Variants in ABCC6 observed in about 807,000 individuals in gnomAD.
The protein encoded by ABCC6 is ATP-binding cassette sub-family C member 6.
ABCC6 carries 126 observed loss-of-function variants against 169.5 expected under a neutral mutation model. The ratio of observed to expected loss-of-function variants is 0.74; its 90% CI spans 0.64 to 0.86. The LOEUF is 0.86. Among genes scored for constraint, ABCC6 ranks in the 40% least tolerant of loss-of-function variants. ABCC6 has a pLI of 0.00. For missense variants in ABCC6, 1,733 were observed against 1,927.2 expected (o/e 0.90, Z 1.89); for synonymous variants, 752 against 814.7 (o/e 0.92, Z 1.31).
Position 16,161,459 on chromosome 16 carries a change from G to GA in ABCC6, c.3611dup (p.Ser1205LeufsTer73). On this transcript the variant is annotated frameshift_variant, in exon 25 of 31. Coordinates refer to ENST00000205557, the MANE Select transcript of ABCC6 (RefSeq NM_001171.6). LOFTEE classifies it high-confidence loss of function. ...GTACCTGGAGGGCAGCAGAGACAGAGAAGCCCACGAGGCCAGCACTGAGGT... is the reference window on the plus strand; with the variant it reads ...GTACCTGGAGGGCAGCAGAGACAGAGAAAGCCCACGAGGCCAGCACTGAGGT... 6.2e-7 allele frequency: 1 copy of GA among 1,613,938 alleles called. No individual in the cohort carries two copies. Among genetic ancestry groups the GA allele is most frequent in the Non-Finnish European group, 8.5e-7 (1 of 1,180,032 alleles).
chr16:16,164,524 C>A (rs868592031), intron 23 of ABCC6, among the ~76,000 whole-genome samples: 1 of 152,056 alleles, frequency 6.6e-6, no homozygotes, highest in South Asian at 2.1e-4. Context: ...CCACAAAGGG[C>A]CAATCAGAAC....
intron 17 of ABCC6, among the ~76,000 whole-genome samples, chr16:16,179,330 T>A (rs2047395133): frequency 6.6e-6 from 1 of 152,232 alleles, no homozygotes; most frequent in African/African-American, 2.4e-5. Flanking sequence ...AGCTTTTCAG[T>A]CCTACTTTTG....
At position 16,165,668 on chromosome 16, in the gene ABCC6, G is replaced by A; in HGVS notation, c.3261C>T (p.Ala1087=). 1 of 1,612,400 alleles carries A rather than the reference G, an allele frequency of 6.2e-7. No individual in the cohort carries two copies. The highest frequency in any genetic ancestry group is 8.5e-7 in the Non-Finnish European group (1 of 1,179,944). Reference sequence around the variant, plus strand: ...GAAACAGTGGCAGGATGGCCACAGTGGCCAGTGGGGTAGCCACTGCCACCA... The same window carrying A: ...GAAACAGTGGCAGGATGGCCACAGTAGCCAGTGGGGTAGCCACTGCCACCA... ...SLVVAVATPL[A]TVAILPLFLL... The change falls in exon 23 of 31, where the codon GCC becomes GCT. Residue 1087 remains alanine (A), a synonymous_variant. Transcript: ENST00000205557.
intron 27 of ABCC6, chr16:16,155,812 T>C (rs760229354): frequency 1.3e-5 from 2 of 152,416 alleles, no homozygotes; most frequent in East Asian, 3.8e-4. Context: ...ACCGGAAGTA[T>C]AGAAATTAAA....
At chr16:16,178,123 C>T (rs540027329) in intron 18 of ABCC6, among the ~76,000 whole-genome samples, 6 of 151,976 alleles carry the variant, frequency 3.9e-5, no homozygotes, top group South Asian at 4.2e-4. Context: ...GTCAGGAGTT[C>T]GAGACCAGCC....
Position 16,187,122 on chromosome 16 carries a change from A to G in ABCC6, c.1867+2T>C. ...ACCCCTCCTGCCAGACTCAGCACTC[A>G]CCGCTTCCAGAGGAACTTGAGTCTA... On this transcript the variant is annotated splice_donor_variant, in intron 14 of 30. Coordinates refer to ENST00000205557, the MANE Select transcript of ABCC6 (RefSeq NM_001171.6). LOFTEE classifies it high-confidence loss of function. 1 of 1,612,232 alleles carries G rather than the reference A, an allele frequency of 6.2e-7. No homozygotes were observed. Among genetic ancestry groups the G allele is most frequent in the Non-Finnish European group, 8.5e-7 (1 of 1,178,886 alleles).
chr16:16,198,048 G>T lies in ABCC6; in HGVS notation c.1311C>A (p.Ile437=), dbSNP rs150075392. ...LNGLWLPLVW[I]VVCFVYLWQL... is the part of the protein sequence containing the mutation. ...GCCAGAGATAGACGAAGCAGACCACGATCCAGACGAGAGGCAGCCACAGCC... is the reference window on the plus strand; with the variant it reads ...GCCAGAGATAGACGAAGCAGACCACTATCCAGACGAGAGGCAGCCACAGCC... Residue 437 remains isoleucine (I), a synonymous_variant, in exon 10 of 31, where the codon ATC becomes ATA. Transcript: ENST00000205557. 8.1e-6 allele frequency: 13 copies of T among 1,614,036 alleles called. No homozygotes were observed. The African/African-American group carries it at 1.6e-4, about 20-fold the overall frequency.
chr16:16,165,005 C>T (rs983104725), intron 23 of ABCC6, among the ~76,000 whole-genome samples: 1 of 152,118 alleles, frequency 6.6e-6, no homozygotes, highest in African/African-American at 2.4e-5. Flanking sequence ...AATCTAGCTT[C>T]ATATAATAGC....
chr16:16,217,435 C>T (rs537200856), intron 4 of ABCC6, among the ~76,000 whole-genome samples: 39 of 152,376 alleles, frequency 2.6e-4, no homozygotes, highest in African/African-American at 6.3e-4. Flanking sequence ...TTGGCTGGGG[C>T]ACATTGGCTC....
chr16:16,172,557 G>A (rs959735767), intron 21 of ABCC6, among the ~76,000 whole-genome samples: 1 of 151,602 alleles, frequency 6.6e-6, no homozygotes, highest in African/African-American at 2.4e-5. Flanking sequence ...GAGTGGGTGG[G>A]ATGGATAGGT....
At chr16:16,151,864 C>T (rs951238281) in intron 29 of ABCC6, among the ~76,000 whole-genome samples, 4 of 152,150 alleles carry the variant, frequency 2.6e-5, no homozygotes, top group Admixed American at 2.6e-4. Context: ...CCTAATGGAT[C>T]CGTCCTCGCT....
chr16:16,196,752 A>T (rs373430302), intron 10 of ABCC6, among the ~76,000 whole-genome samples: 2 of 152,108 alleles, frequency 1.3e-5, no homozygotes, highest in South Asian at 4.2e-4. Flanking sequence ...CCCAGGCTGG[A>T]GTGCAGTGGC....
At chr16:16,214,559 G>A in intron 4 of ABCC6, 110 bp from the exon 5 acceptor site, 3 of 1,517,076 alleles carry the variant, frequency 2.0e-6, no homozygotes, top group South Asian at 2.5e-5. Context: ...CAGGGCAAGA[G>A]TATTTGAAAG....
At chr16:16,195,352 G>A (rs890698842) in intron 10 of ABCC6, among the ~76,000 whole-genome samples, 11 of 125,932 alleles carry the variant, frequency 8.7e-5, no homozygotes, top group South Asian at 2.5e-4. Context: ...TCACTCTGTC[G>A]TCCAGGCTGC....
At chr16:16,156,265 C>T (rs972668017) in intron 27 of ABCC6, among the ~76,000 whole-genome samples, 7 of 152,180 alleles carry the variant, frequency 4.6e-5, no homozygotes, top group African/African-American at 1.4e-4. Context: ...TTAAGGGAAG[C>T]AAGGCAGTGC....
At chr16:16,160,234 AACAT>A (rs2046672279) in intron 25 of ABCC6, among the ~76,000 whole-genome samples, 1 of 152,198 alleles carries the variant, frequency 6.6e-6, no homozygotes, top group Non-Finnish European at 1.5e-5. Context: ...ACTGCCACCC[AACAT>A]GCTCCAGCCT....
chr16:16,154,731 CG>C lies in ABCC6; in HGVS notation c.4104del (p.Asp1368GlufsTer35), dbSNP rs72664237. ...GTCTCCAGGGCTGCCCAGATAGCCTCGTCCGAGTGCTCCTGCAGCAGGTCGA... is the reference window on the plus strand; with the variant it reads ...GTCTCCAGGGCTGCCCAGATAGCCTCTCCGAGTGCTCCTGCAGCAGGTCGA... ...MNLDLLQEHS[D>X]EAIWAALETV... On this transcript the variant is annotated frameshift_variant, in exon 29 of 31. Coordinates refer to ENST00000205557, the MANE Select transcript of ABCC6 (RefSeq NM_001171.6). LOFTEE classifies it high-confidence loss of function. 3.3e-5 allele frequency: 53 copies of C among 1,613,170 alleles called. No homozygotes were observed. The highest frequency in any genetic ancestry group is 4.2e-5 in the Non-Finnish European group (50 of 1,179,792).
rs117686059 is a variant in ABCC6 at position 16,163,585 on chromosome 16, C to T, written c.3307-393G>A. Among the ~76,000 whole-genome samples, 1,378 of 152,252 alleles carry T rather than the reference C, an allele frequency of 9.1e-3. 14 individuals carry two copies. The highest frequency in any genetic ancestry group is 0.036 in the South Asian group (174 of 4,826). On this transcript the variant is annotated intron_variant, in intron 23 of 30. Coordinates refer to ENST00000205557, the MANE Select transcript of ABCC6 (RefSeq NM_001171.6). ...GCACTGAGGCCGACTACTTCATTTACGGCTGGTCAGTGGGAGAACAAAACT... is the reference window on the plus strand; with the variant it reads ...GCACTGAGGCCGACTACTTCATTTATGGCTGGTCAGTGGGAGAACAAAACT...
intron 25 of ABCC6, among the ~76,000 whole-genome samples, chr16:16,160,628 C>CCA (rs1555508425): frequency 3.9e-5 from 3 of 76,382 alleles, no homozygotes; most frequent in African/African-American, 5.5e-5. Context: ...CTGTTTCTAC[C>CCA]AAAAAAAAAA....
Sources: gnomAD v4.1 joint callset for allele counts (sites outside exome capture counted in the v4.1 genomes callset) on GRCh38, gnomAD v4.1.1 for gene constraint, MANE v1.5 for transcripts, NCBI Gene and HGNC (gene_info 2026-07-23, HGNC 2026-07-21) for gene names.